Variants in ERCC6L2 observed in about 807,000 individuals in gnomAD.
ERCC6L2 encodes DNA excision repair protein ERCC-6-like 2.
In ERCC6L2, 77 loss-of-function variants were observed where a neutral mutation model predicts 132.0. The observed-to-expected ratio is 0.58, with a 90% CI of 0.49 to 0.71. ERCC6L2 has a LOEUF of 0.71. Ranked by LOEUF, ERCC6L2 falls within the 30% of genes least tolerant of loss-of-function variation. The pLI, the probability that ERCC6L2 is intolerant of heterozygous loss-of-function variation, is 0.00. For missense variants in ERCC6L2, 1,542 were observed against 1,837.6 expected (o/e 0.84, Z 2.94); for synonymous variants, 583 against 632.4 (o/e 0.92, Z 1.17).
chr9:95,896,152 T>G (rs1242822187), intron 2 of ERCC6L2, among the ~76,000 whole-genome samples: 1 of 152,178 alleles, frequency 6.6e-6, no homozygotes, highest in Non-Finnish European at 1.5e-5. Context: ...CTAACTAGAG[T>G]CATTTTCCTT....
intron 12 of ERCC6L2, among the ~76,000 whole-genome samples, chr9:95,945,823 A>T (rs1831032770): frequency 6.6e-6 from 1 of 152,238 alleles, no homozygotes; most frequent in East Asian, 1.9e-4. Context: ...AGATGGAGGA[A>T]ACTCAGAAAG....
At chr9:95,905,660 T>G (rs1224905697) in intron 3 of ERCC6L2, among the ~76,000 whole-genome samples, 2 of 152,210 alleles carry the variant, frequency 1.3e-5, no homozygotes, top group African/African-American at 4.8e-5. Context: ...ATGAATCAAG[T>G]ATAAGAAGTA....
intron 17 of ERCC6L2, among the ~76,000 whole-genome samples, chr9:95,990,661 C>T (rs1833265340): frequency 6.6e-6 from 1 of 152,178 alleles, no homozygotes; most frequent in Admixed American, 6.5e-5. Flanking sequence ...CAGGAGCGAA[C>T]AAACGCTGCA....
Position 95,928,821 on chromosome 9 carries a change from T to G in ERCC6L2, c.1708T>G (p.Phe570Val). ...GGAAAGACTCAAGATTGTAAAAGAG[T>G]TCAACAGTACACAAGATGTTAACAT... ...SEERLKIVKE[F>V]NSTQDVNICL... is the part of the protein sequence containing the mutation. The change falls in exon 11 of 19, where the codon TTC becomes GTC. Residue 570 changes from phenylalanine to valine, a missense_variant. Physicochemically the swap from Phe to Val is conservative, Grantham distance 50. Transcript: ENST00000653738. 6.2e-7 allele frequency: 1 copy of G among 1,611,434 alleles called. No individual in the cohort carries two copies. Among genetic ancestry groups the G allele is most frequent in the Non-Finnish European group, 8.5e-7 (1 of 1,178,712 alleles).
Position 96,014,725 on chromosome 9 carries a change from T to C in ERCC6L2, c.*1522T>C, listed in dbSNP as rs1834141415. On this transcript the variant is annotated 3_prime_UTR_variant, in exon 19 of 19. Coordinates refer to ENST00000653738, the MANE Select transcript of ERCC6L2 (RefSeq NM_020207.7). The stretch of plus-strand genomic sequence containing the variant: ...TGTGAAAACGCTGTTTTAAATTATA[T>C]GAGTTCGTCATTTGTTTGCTCTGTG... Among the ~76,000 whole-genome samples the C allele has an allele frequency of 6.6e-6, 1 of 152,306 alleles. No individual in the cohort carries two copies. Among genetic ancestry groups the C allele is most frequent in the East Asian group, 1.9e-4 (1 of 5,174 alleles).
At chr9:96,035,658 T>C (rs1042570885) in intron 19 of ERCC6L2, among the ~76,000 whole-genome samples, 1 of 152,246 alleles carries the variant, frequency 6.6e-6, no homozygotes, top group African/African-American at 2.4e-5. Flanking sequence ...TAAGCTGTTC[T>C]AACACTCAAT....
chr9:95,982,430 T>C (rs750804189), intron 17 of ERCC6L2, among the ~76,000 whole-genome samples: 1 of 152,152 alleles, frequency 6.6e-6, no homozygotes, highest in African/African-American at 2.4e-5. Flanking sequence ...AGGGATGGAC[T>C]GTTTACAGTG....
At chr9:95,925,014 C>T (rs986934654) in intron 9 of ERCC6L2, among the ~76,000 whole-genome samples, 1 of 152,172 alleles carries the variant, frequency 6.6e-6, no homozygotes, top group Admixed American at 6.5e-5. Context: ...ATCATAGAAT[C>T]ATTGCCTATG....
rs1464464426 is a variant in ERCC6L2 at position 95,941,555 on chromosome 9, A to G, written c.1847+6A>G. 1 of 1,591,172 alleles carries G rather than the reference A, an allele frequency of 6.3e-7. No homozygotes were observed. The highest frequency in any genetic ancestry group is 8.6e-7 in the Non-Finnish European group (1 of 1,160,740). On this transcript the variant is annotated splice_donor_region_variant and intron_variant, in intron 12 of 18. Coordinates refer to ENST00000653738, the MANE Select transcript of ERCC6L2 (RefSeq NM_020207.7). ...GATCTTCAAGCCATTGACAGGTATA[A>G]TACTGACAAAATTTAAAGTGATCTG...
intron 15 of ERCC6L2, 108 bp downstream of exon 15, chr9:95,970,764 T>A: frequency 1.4e-6 from 1 of 700,122 alleles, no homozygotes; most frequent in Non-Finnish European, 2.0e-6. Context: ...AAAAAAAAAT[T>A]AAGAGTCAAG....
At chr9:96,030,615 T>C (rs1278017416) in intron 19 of ERCC6L2, among the ~76,000 whole-genome samples, 4 of 143,294 alleles carry the variant, frequency 2.8e-5, no homozygotes, top group South Asian at 2.2e-4. Context: ...GGCAGGAGGA[T>C]GGTGTGAGCC....
At chr9:96,001,304 A>T (rs1387802177) in intron 17 of ERCC6L2, among the ~76,000 whole-genome samples, 2 of 152,090 alleles carry the variant, frequency 1.3e-5, no homozygotes, top group African/African-American at 4.8e-5. Flanking sequence ...TTATTCTCTT[A>T]TCTGGCCCCA....
Position 96,028,504 on chromosome 9 carries a change from G to A in ERCC6L2, c.*1504-10372G>A, listed in dbSNP as rs1834412064. Among the ~76,000 whole-genome samples, 5 of 152,274 alleles carry A rather than the reference G, an allele frequency of 3.3e-5. No homozygotes were observed. In the South Asian group the frequency reaches 1.0e-3, roughly 32 times the overall value. ...TTCCTGGGGACCACTAGGGTCCCAC[G>A]CAACAGAGGTAGGAACCCTGCTCTA... is the stretch of plus-strand genomic sequence containing the variant. On this transcript the variant is annotated intron_variant and NMD_transcript_variant, in intron 19 of 20. Transcript: ENST00000670016.
chr9:95,957,893 A>C (rs1831692026), intron 13 of ERCC6L2, among the ~76,000 whole-genome samples: 1 of 151,088 alleles, frequency 6.6e-6, no homozygotes, highest in African/African-American at 2.4e-5. Flanking sequence ...TTTTTAAATT[A>C]TACTTTAAGT....
intron 17 of ERCC6L2, among the ~76,000 whole-genome samples, chr9:95,999,320 C>T (rs998114319): frequency 3.3e-5 from 5 of 151,564 alleles, no homozygotes; most frequent in Non-Finnish European, 5.9e-5. Context: ...GAGATCACGC[C>T]GCTGCACTCC....
At chr9:95,953,107 A>G (rs1429578552) in intron 12 of ERCC6L2, among the ~76,000 whole-genome samples, 1 of 152,212 alleles carries the variant, frequency 6.6e-6, no homozygotes, top group East Asian at 1.9e-4. Context: ...TAATGAGTAC[A>G]GAGTTTCAGT....
At chr9:95,959,058 C>T (rs1475216304) in intron 13 of ERCC6L2, among the ~76,000 whole-genome samples, 3 of 152,106 alleles carry the variant, frequency 2.0e-5, no homozygotes, top group African/African-American at 7.2e-5. Flanking sequence ...AAAAAAGAGC[C>T]TGCATCGCCA....
intron 18 of ERCC6L2, among the ~76,000 whole-genome samples, chr9:96,005,412 G>A (rs933957604): frequency 2.0e-5 from 3 of 152,002 alleles, no homozygotes; most frequent in Non-Finnish European, 4.4e-5. Flanking sequence ...ATTATAAAAT[G>A]ATGTGTTATA....
downstream of ERCC6L2, among the ~76,000 whole-genome samples, chr9:96,021,919 G>A (rs1834298375): frequency 6.6e-6 from 1 of 152,080 alleles, no homozygotes; most frequent in African/African-American, 2.4e-5. This position sits in a 1 kb window ranked among gnomAD's most constrained non-coding sequence, Gnocchi z 4.7. Flanking sequence ...ACCCGCCCAG[G>A]ATGGAATCAG....
Sources: gnomAD v4.1 joint callset for allele counts (sites outside exome capture counted in the v4.1 genomes callset) on GRCh38, gnomAD v4.1.1 for gene constraint, Gnocchi (gnomAD v3.1) non-coding constraint, MANE v1.5 for transcripts, NCBI Gene and HGNC (gene_info 2026-07-23, HGNC 2026-07-21) for gene names.